SMURF2: variants seen among roughly 807,000 people sequenced by gnomAD.
The protein encoded by SMURF2 is SMAD specific E3 ubiquitin protein ligase 2, also known as E3 ubiquitin-protein ligase SMURF2.
SMURF2 carries 48 observed loss-of-function variants against 109.6 expected under a neutral mutation model. The ratio of observed to expected loss-of-function variants is 0.44; its 90% CI spans 0.35 to 0.56. The LOEUF (loss-of-function observed/expected upper bound fraction) is 0.56, where lower values mean the gene tolerates loss of function less well. Among genes scored for constraint, SMURF2 ranks in the 20% least tolerant of loss-of-function variants. The pLI is 0.01. For missense variants in SMURF2, 575 were observed against 909.0 expected, an observed-to-expected ratio of 0.63 and a Z score of 4.72; for synonymous variants, 288 against 317.1, an observed-to-expected ratio of 0.91 and a Z score of 0.97.
chr17:64,654,396 C>T (rs1486467725), intron 1 of SMURF2, among the ~76,000 whole-genome samples: 2 of 152,118 alleles, frequency 1.3e-5, no homozygotes, highest in Non-Finnish European at 2.9e-5. Context: ...CAGAAGACTG[C>T]TCGTATTTAA....
At chr17:64,602,172 G>C (rs1969907505) in intron 2 of SMURF2, among the ~76,000 whole-genome samples, 1 of 151,806 alleles carries the variant, frequency 6.6e-6, no homozygotes, top group Admixed American at 6.6e-5. Flanking sequence ...TATGGGGACT[G>C]GGGGAAAGGG....
chr17:64,609,868 T>A (rs1268901977), intron 1 of SMURF2, among the ~76,000 whole-genome samples: 3 of 151,716 alleles, frequency 2.0e-5, no homozygotes, highest in Non-Finnish European at 4.4e-5. Flanking sequence ...TCTATCCATC[T>A]GACAAAGGGC....
At chr17:64,636,262 T>C (rs953229643) in intron 1 of SMURF2, among the ~76,000 whole-genome samples, 1 of 152,162 alleles carries the variant, frequency 6.6e-6, no homozygotes, top group Non-Finnish European at 1.5e-5. Context: ...TCTGGCTAGC[T>C]GCCCATTTTT....
intron 1 of SMURF2, among the ~76,000 whole-genome samples, chr17:64,615,809 A>T (rs1195923145): frequency 1.3e-5 from 2 of 152,120 alleles, no homozygotes; most frequent in East Asian, 3.8e-4. Context: ...ATGTAAATGT[A>T]TTTATTTATT....
chr17:64,646,367 T>C (rs1301167006), intron 1 of SMURF2, among the ~76,000 whole-genome samples: 1 of 148,082 alleles, frequency 6.8e-6, no homozygotes, highest in Non-Finnish European at 1.5e-5. Flanking sequence ...GAATTTTTCT[T>C]TTTTTTTTTC....
chr17:64,558,030 T>A (rs1308788840), intron 12 of SMURF2, among the ~76,000 whole-genome samples: 1 of 152,210 alleles, frequency 6.6e-6, no homozygotes, highest in Non-Finnish European at 1.5e-5. Context: ...CAGTGGTCTG[T>A]TACTTTTAAT....
Position 64,612,438 on chromosome 17 carries a change from C to T in SMURF2, c.53-5798G>A, listed in dbSNP as rs181144359. Among the ~76,000 whole-genome samples the T allele has an allele frequency of 5.5e-3, 836 of 151,422 alleles. 11 individuals are homozygous for T. The highest frequency in any genetic ancestry group is 3.9e-3 in the Non-Finnish European group (262 of 67,886). ...ATTCCAGCACTTTGGGAGGCCAAGG[C>T]GGGCAGATCACTTGAGGCCAGGAGT... On this transcript the variant is annotated intron_variant, in intron 1 of 18. Coordinates refer to ENST00000262435, the MANE Select transcript of SMURF2 (RefSeq NM_022739.4).
intron 3 of SMURF2, among the ~76,000 whole-genome samples, chr17:64,594,545 A>T (rs1191744897): frequency 6.6e-6 from 1 of 152,130 alleles, no homozygotes; most frequent in Non-Finnish European, 1.5e-5. Context: ...CAAATGAAAA[A>T]ATCTGAATTA....
chr17:64,547,455 A>G lies in SMURF2; in HGVS notation c.2071+145T>C. 2.9e-6 allele frequency: 2 copies of G among 690,634 alleles called. No individual in the cohort carries two copies. Among genetic ancestry groups the G allele is most frequent in the Non-Finnish European group, 4.8e-6 (2 of 413,336 alleles). The allele number at this position is 690,634 out of a possible 1,614,324, so 42.8% of individuals were successfully genotyped here. On this transcript the variant is annotated intron_variant, in intron 17 of 18. Coordinates refer to ENST00000262435, the MANE Select transcript of SMURF2 (RefSeq NM_022739.4). The surrounding 1 kb of genome is among the most constrained non-coding windows in gnomAD (Gnocchi z 4.2). ...AAGGGAACAAAAGAAAGGAGGGAGA[A>G]GAAGGTATCACAATGTGAGAGTCAC...
At position 64,545,773 on chromosome 17, in the gene SMURF2, C is replaced by G; in HGVS notation, c.*75G>C. On this transcript the variant is annotated 3_prime_UTR_variant, in exon 19 of 19. Transcript: ENST00000262435. ...GTGTTTTCCTGTATTTCAGCATATT[C>G]TTTGAAACTCTGCTGAAAGGAGGCT... 2.5e-5 allele frequency: 9 copies of G among 360,494 alleles called. No individual in the cohort carries two copies. Among genetic ancestry groups the G allele is most frequent in the East Asian group, 7.2e-5 (1 of 13,836 alleles). 22.3% of individuals were successfully genotyped at this position (360,494 alleles called of 1,614,324 possible).
chr17:64,646,070 AT>A (rs1276463311), intron 1 of SMURF2, among the ~76,000 whole-genome samples: 2,089 of 145,184 alleles, frequency 0.014, 42 homozygotes, highest in African/African-American at 0.043. Context: ...ATTTCTTATA[AT>A]TTTTTTTTTT....
At chr17:64,557,581 A>C (rs782739661) in intron 13 of SMURF2, 27 bp downstream of exon 13, 2 of 1,354,088 alleles carry the variant, frequency 1.5e-6, no homozygotes, top group African/African-American at 1.4e-5. Context: ...TATTGGTCAC[A>C]ATTCACATCA....
rs570548714 is a variant in SMURF2, at chr17:64,551,701, G to C, written c.1752C>G (p.Leu584=). ...NEENKKEYVR[L]YVNWRFLRGI... ...CTCGTAAAAATCTCCAGTTCACATA[G>C]AGCCTGTAAACATTCGGCAGGATTT... Residue 584 remains leucine (L), a synonymous_variant, in exon 16 of 19, where the codon CTC becomes CTG. Coordinates refer to ENST00000262435, the MANE Select transcript of SMURF2 (RefSeq NM_022739.4). 3.2e-4 allele frequency: 521 copies of C among 1,613,840 alleles called. 5 individuals are homozygous for C. In the South Asian group the frequency reaches 5.4e-3, roughly 17 times the overall value.
At chr17:64,554,152 G>A (rs1261510566) in intron 15 of SMURF2, among the ~76,000 whole-genome samples, 1 of 152,136 alleles carries the variant, frequency 6.6e-6, no homozygotes, top group Non-Finnish European at 1.5e-5. Flanking sequence ...AAGCACAAAA[G>A]CCCTTCTGAA....
At position 64,581,118 on chromosome 17, in the gene SMURF2, T is replaced by A; in HGVS notation, c.570-127A>T. The A allele has an allele frequency of 1.2e-6, 1 of 815,372 alleles. No individual in the cohort carries two copies. The highest frequency in any genetic ancestry group is 1.9e-6 in the Non-Finnish European group (1 of 521,832). 50.5% of individuals were successfully genotyped at this position (815,372 alleles called of 1,614,324 possible). ...CTGAAAACAGAATGACTAATACAAG[T>A]ATAATGACTTCAAGAACTCTGAGTA... On this transcript the variant is annotated intron_variant, in intron 7 of 18. Transcript: ENST00000262435. The surrounding 1 kb of genome is among the most constrained non-coding windows in gnomAD (Gnocchi z 4.3).
At chr17:64,549,889 A>G (rs1221881530) in intron 16 of SMURF2, among the ~76,000 whole-genome samples, 2 of 152,214 alleles carry the variant, frequency 1.3e-5, no homozygotes, top group African/African-American at 2.4e-5. Flanking sequence ...CTGAAATAAA[A>G]TCTCCAACAA....
intron 5 of SMURF2, among the ~76,000 whole-genome samples, chr17:64,586,989 C>T (rs1407823599): frequency 6.6e-6 from 1 of 151,764 alleles, no homozygotes; most frequent in East Asian, 1.9e-4. Flanking sequence ...CATGGTGAAA[C>T]CCCGTCTCTA....
intron 1 of SMURF2, among the ~76,000 whole-genome samples, chr17:64,608,678 G>T (rs1970004660): frequency 6.6e-6 from 1 of 152,086 alleles, no homozygotes; most frequent in South Asian, 2.1e-4. Context: ...CAGAGAAAGA[G>T]AAAACATGAG....
chr17:64,644,695 T>C (rs1970537339), intron 1 of SMURF2, among the ~76,000 whole-genome samples: 1 of 147,978 alleles, frequency 6.8e-6, no homozygotes, highest in Non-Finnish European at 1.5e-5. Context: ...GCGGATCACC[T>C]AAGATCAGGA....
Sources: gnomAD v4.1 joint callset for allele counts (sites outside exome capture counted in the v4.1 genomes callset) on GRCh38, gnomAD v4.1.1 for gene constraint, Gnocchi (gnomAD v3.1) non-coding constraint, MANE v1.5 for transcripts, NCBI Gene and HGNC (gene_info 2026-07-23, HGNC 2026-07-21) for gene names.